NTRK3: variants seen among roughly 807,000 people sequenced by gnomAD.
NTRK3 encodes NT-3 growth factor receptor.
In NTRK3, 24 loss-of-function variants were observed where a neutral mutation model predicts 91.7. The observed-to-expected ratio is 0.26, with a 90% CI of 0.19 to 0.37. The LOEUF (loss-of-function observed/expected upper bound fraction) is 0.37. NTRK3 is among the 10% of genes least tolerant of loss of function. The pLI, the probability that NTRK3 is intolerant of heterozygous loss-of-function variation, is 1.00. For synonymous variants in NTRK3, 483 were observed against 404.0 expected (o/e 1.20, Z -2.34); for missense variants, 880 against 1,068.9 (o/e 0.82, Z 2.46).
At chr15:87,981,333 C>T (rs758512257) in intron 14 of NTRK3, 61 of 1,610,608 alleles carry the variant, frequency 3.8e-5, no homozygotes, top group South Asian at 6.6e-5. Context: ...GTTTAATATC[C>T]CATGATTGTC....
At chr15:87,922,994 C>T (rs2068001000) in intron 17 of NTRK3, among the ~76,000 whole-genome samples, 1 of 152,136 alleles carries the variant, frequency 6.6e-6, no homozygotes, top group African/African-American at 2.4e-5. Flanking sequence ...AAGCATGGGA[C>T]ACCAAGAGTT....
chr15:88,110,109 C>T (rs975842258), intron 13 of NTRK3, among the ~76,000 whole-genome samples: 1 of 152,140 alleles, frequency 6.6e-6, no homozygotes, highest in African/African-American at 2.4e-5. Context: ...CGACCTCAGC[C>T]TGTATAGCTC....
chr15:88,045,963 C>T (rs1039977828), intron 13 of NTRK3, among the ~76,000 whole-genome samples: 27 of 152,174 alleles, frequency 1.8e-4, no homozygotes, highest in Admixed American at 1.4e-3. Flanking sequence ...AGGCTATTTC[C>T]GAATAAGTTC....
chr15:87,879,183 A>C (rs946665818), intron 18 of NTRK3, among the ~76,000 whole-genome samples: 2 of 152,214 alleles, frequency 1.3e-5, no homozygotes, highest in Non-Finnish European at 2.9e-5. Context: ...GTCAAGACAT[A>C]GGAGAGCAGA....
intron 13 of NTRK3, among the ~76,000 whole-genome samples, chr15:88,050,401 T>C (rs1005354407): frequency 6.6e-6 from 1 of 152,150 alleles, no homozygotes; most frequent in African/African-American, 2.4e-5. Flanking sequence ...CACAGCATAT[T>C]TATATATGGA....
intron 13 of NTRK3, among the ~76,000 whole-genome samples, chr15:88,094,394 G>C (rs1340804260): frequency 6.7e-6 from 1 of 150,194 alleles, no homozygotes; most frequent in Non-Finnish European, 1.5e-5. Context: ...GCGTGAACCC[G>C]GGAAGCGGAG....
At chr15:88,041,667 T>C (rs1479568009) in intron 13 of NTRK3, among the ~76,000 whole-genome samples, 1 of 152,162 alleles carries the variant, frequency 6.6e-6, no homozygotes, top group Non-Finnish European at 1.5e-5. Context: ...GCAGCCATGG[T>C]GACGTGCAAA....
Position 87,949,846 on chromosome 15 carries a change from C to T in NTRK3, c.1586-9093G>A, listed in dbSNP as rs540519518. On this transcript the variant is annotated intron_variant, in intron 14 of 18. Coordinates refer to ENST00000394480, the Ensembl canonical transcript of NTRK3. ...GAGAAAAAGAACTCCCCAAGGAGAGCCATCTGGAATTGTGAAGTTAGGTGC... is the reference window on the plus strand; with the variant it reads ...GAGAAAAAGAACTCCCCAAGGAGAGTCATCTGGAATTGTGAAGTTAGGTGC... 2.6e-5 allele frequency among the ~76,000 whole-genome samples: 4 copies of T among 152,280 alleles called. No homozygotes were observed. In the East Asian group the frequency reaches 7.7e-4, roughly 29 times the overall value.
Position 88,136,449 on chromosome 15 carries a change from G to C in NTRK3, c.765+18C>G, listed in dbSNP as rs2151207274. 6.2e-7 allele frequency: 1 copy of C among 1,614,096 alleles called. No individual in the cohort carries two copies. Among genetic ancestry groups the C allele is most frequent in the Non-Finnish European group, 8.5e-7 (1 of 1,179,978 alleles). On this transcript the variant is annotated intron_variant, in intron 8 of 18. Transcript: ENST00000394480. Reference sequence around the variant, plus strand: ...CACTCCCTAGCCTCCTGATGGGGCTGAAGCCCAGGATGCCTACCTGGTGAG... The same window carrying C: ...CACTCCCTAGCCTCCTGATGGGGCTCAAGCCCAGGATGCCTACCTGGTGAG...
At chr15:88,057,260 G>A (rs959034949) in intron 13 of NTRK3, among the ~76,000 whole-genome samples, 7 of 151,816 alleles carry the variant, frequency 4.6e-5, no homozygotes, top group South Asian at 2.1e-4. Flanking sequence ...GCTTTGGGAG[G>A]CCGAGGTGTG....
intron 13 of NTRK3, among the ~76,000 whole-genome samples, chr15:88,116,258 C>G (rs1261690908): frequency 6.6e-6 from 1 of 151,990 alleles, no homozygotes; most frequent in Non-Finnish European, 1.5e-5. Flanking sequence ...GCATATTTAC[C>G]CAAAGAGGAT....
At chr15:88,066,557 A>G (rs1339191086) in intron 13 of NTRK3, among the ~76,000 whole-genome samples, 1 of 152,326 alleles carries the variant, frequency 6.6e-6, no homozygotes, top group African/African-American at 2.4e-5. Flanking sequence ...ACAGAACTGC[A>G]AAGTCCTCCC....
chr15:88,224,745 G>A lies in NTRK3; in HGVS notation c.248+31161C>T, dbSNP rs536449035. ...ACCAGGAGTGCTGCGACTCTGGGAA[G>A]GTAGGGTTGATAAGGCACAGCCTGC... On this transcript the variant is annotated intron_variant, in intron 3 of 18. Coordinates refer to ENST00000394480, the Ensembl canonical transcript of NTRK3. Among the ~76,000 whole-genome samples the A allele has an allele frequency of 2.0e-4, 30 of 152,324 alleles. 1 individual carries two copies. The highest frequency in any genetic ancestry group is 7.0e-4 in the African/African-American group (29 of 41,570).
chr15:88,113,429 C>A (rs1394417521), intron 13 of NTRK3, among the ~76,000 whole-genome samples: 2 of 149,812 alleles, frequency 1.3e-5, no homozygotes, highest in South Asian at 4.2e-4. Flanking sequence ...GATTCTCCTG[C>A]CTCAGCCTCC....
chr15:88,230,615 C>T (rs902135340), intron 3 of NTRK3, among the ~76,000 whole-genome samples: 1 of 151,840 alleles, frequency 6.6e-6, no homozygotes, highest in African/African-American at 2.4e-5. Context: ...AATCATGTAC[C>T]AACCAATCTT....
intron 3 of NTRK3, among the ~76,000 whole-genome samples, chr15:88,229,673 C>T (rs1400219537): frequency 6.6e-6 from 1 of 152,184 alleles, no homozygotes; most frequent in Admixed American, 6.5e-5. Context: ...GAGGTCCTGC[C>T]CTGGTCACTC....
At chr15:87,900,171 G>A (rs1344338194) in intron 17 of NTRK3, among the ~76,000 whole-genome samples, 1 of 152,060 alleles carries the variant, frequency 6.6e-6, no homozygotes, top group East Asian at 1.9e-4. Context: ...GAGGTTGGGT[G>A]GTAACAGCAG....
chr15:88,134,362 A>T (rs1453961599), intron 10 of NTRK3, among the ~76,000 whole-genome samples: 2 of 152,376 alleles, frequency 1.3e-5, no homozygotes, highest in East Asian at 3.9e-4. Context: ...AGAGAAAGAC[A>T]GAATCAACTC....
rs1336930828 is a variant in NTRK3, at chr15:88,183,489, C to T, written c.324G>A (p.Leu108=). 5 of 1,614,004 alleles carry T rather than the reference C, an allele frequency of 3.1e-6. No individual in the cohort carries two copies. The South Asian group carries it at 5.5e-5, about 18-fold the overall frequency. ...TCCGAAGTCCTGAGTTCTTGATGGT[C>T]CTAGACAGAGAGAAAAAGAGGATCA... is the stretch of plus-strand genomic sequence containing the variant. Residue 108 remains leucine, a splice_region_variant and synonymous_variant, in exon 5 of 19, where the codon CTG becomes CTA. Transcript: ENST00000394480.
Sources: gnomAD v4.1 joint callset for allele counts (sites outside exome capture counted in the v4.1 genomes callset) on GRCh38, gnomAD v4.1.1 for gene constraint, MANE v1.5 for transcripts, NCBI Gene and HGNC (gene_info 2026-07-23, HGNC 2026-07-21) for gene names.